The following DGKB variants were observed in gnomAD, a reference collection of about 807,000 sequenced individuals.
DGKB encodes the protein 90 kDa diacylglycerol kinase.
A neutral mutation model predicts 114.3 loss-of-function variants in DGKB; 67 were observed. The ratio of observed to expected loss-of-function variants is 0.59; its 90% CI spans 0.48 to 0.72. The LOEUF is 0.72. Ranked by LOEUF, DGKB falls within the 30% of genes least tolerant of loss-of-function variation. The pLI is 0.00. For synonymous variants in DGKB, 398 were observed against 323.1 expected (o/e 1.23, Z -2.49); for missense variants, 907 against 975.2 (o/e 0.93, Z 0.93).
At chr7:14,476,262 C>T (rs7783911) in intron 21 of DGKB, among the ~76,000 whole-genome samples, 53,007 of 151,574 alleles carry the variant, frequency 0.35, 9,879 homozygotes, top group Admixed American at 0.47. Context: ...ATATTCATTT[C>T]CAGGATATTT....
chr7:14,656,070 A>G (rs1391479302), intron 13 of DGKB, among the ~76,000 whole-genome samples: 1 of 151,668 alleles, frequency 6.6e-6, no homozygotes, highest in Non-Finnish European at 1.5e-5. Context: ...GTTTTAGGTG[A>G]TGGTTATACT....
At chr7:14,526,686 TG>T (rs1278217313) in intron 20 of DGKB, among the ~76,000 whole-genome samples, 1 of 152,120 alleles carries the variant, frequency 6.6e-6, no homozygotes, top group African/African-American at 2.4e-5. Context: ...TACAAAATCG[TG>T]GACATGATAG....
At chr7:14,844,291 A>C (rs1009582934) in intron 1 of DGKB, among the ~76,000 whole-genome samples, 15 of 152,188 alleles carry the variant, frequency 9.9e-5, no homozygotes, top group African/African-American at 3.6e-4. Context: ...TCTTGTACTA[A>C]ATAGACAACT....
intron 7 of DGKB, among the ~76,000 whole-genome samples, chr7:14,700,802 C>T (rs919295193): frequency 1.3e-5 from 2 of 152,106 alleles, no homozygotes; most frequent in Non-Finnish European, 2.9e-5. Flanking sequence ...TATATCAAAA[C>T]ATTTGTTTTT....
In DGKB at chr7:14,311,051, C is replaced by T. The variant is rs555679701; in HGVS notation, c.2122+27464G>A. Among the ~76,000 whole-genome samples, 9 of 152,094 alleles carry T rather than the reference C, an allele frequency of 5.9e-5. No individual in the cohort carries two copies. The South Asian group carries it at 1.9e-3, about 32-fold the overall frequency. ...GTTAAGGTGGGAGGATCACTTAAGC[C>T]CAGGAGGTTGAGGCTACAATGAGCC... On this transcript the variant is annotated intron_variant, in intron 23 of 25. Transcript: ENST00000402815.
At chr7:14,251,172 T>A (rs1795181916) in intron 23 of DGKB, among the ~76,000 whole-genome samples, 1 of 152,156 alleles carries the variant, frequency 6.6e-6, no homozygotes, top group Non-Finnish European at 1.5e-5. Flanking sequence ...GTTATTTTGT[T>A]GTTTTCTGAC....
At chr7:14,631,078 G>C (rs1010594058) in intron 13 of DGKB, among the ~76,000 whole-genome samples, 1 of 151,552 alleles carries the variant, frequency 6.6e-6, no homozygotes. Flanking sequence ...TGGGATGCCA[G>C]TTCTTAGATA....
intron 23 of DGKB, among the ~76,000 whole-genome samples, chr7:14,323,835 T>C (rs1458214659): frequency 6.6e-6 from 1 of 152,348 alleles, no homozygotes; most frequent in Non-Finnish European, 1.5e-5. Context: ...TTATTTCTTG[T>C]TATCTGTCCA....
At chr7:14,648,074 G>A (rs1317953980) in intron 13 of DGKB, among the ~76,000 whole-genome samples, 3 of 152,178 alleles carry the variant, frequency 2.0e-5, no homozygotes, top group East Asian at 1.9e-4. Flanking sequence ...GGGGAGGGGC[G>A]CCCACCATTG....
At chr7:14,625,402 A>C (rs979978914) in intron 14 of DGKB, among the ~76,000 whole-genome samples, 1 of 152,198 alleles carries the variant, frequency 6.6e-6, no homozygotes, top group African/African-American at 2.4e-5. Flanking sequence ...CTGTATCCTC[A>C]AAAAATTTCC....
At chr7:14,656,873 T>C (rs1815938138) in intron 13 of DGKB, among the ~76,000 whole-genome samples, 2 of 151,678 alleles carry the variant, frequency 1.3e-5, no homozygotes, top group Admixed American at 1.3e-4. Flanking sequence ...AAAACAATTG[T>C]CTACAACACT....
At chr7:14,573,227 G>A (rs1798643433) in intron 20 of DGKB, among the ~76,000 whole-genome samples, 1 of 152,096 alleles carries the variant, frequency 6.6e-6, no homozygotes, top group Admixed American at 6.5e-5. Context: ...AGTCATTACA[G>A]TATTAGTAAC....
At chr7:14,722,155 T>C (rs1451018281) in intron 5 of DGKB, among the ~76,000 whole-genome samples, 1 of 152,198 alleles carries the variant, frequency 6.6e-6, no homozygotes, top group East Asian at 1.9e-4. Flanking sequence ...GTTCTCTTTT[T>C]GTTGTATATT....
chr7:14,149,527 C>T (rs1284401202), intron 25 of DGKB, among the ~76,000 whole-genome samples: 2 of 151,968 alleles, frequency 1.3e-5, no homozygotes, highest in Non-Finnish European at 2.9e-5. Flanking sequence ...AGCAATATTC[C>T]AGAACTGCTT....
rs541104690 is a variant in DGKB at position 14,195,864 on chromosome 7, G to A, written c.2123-17713C>T. ...TACCCTGGTTGCATGTAAGTCTTAC[G>A]TGCTTAGCAAGAGATTGAAAGACTT... On this transcript the variant is annotated intron_variant, in intron 23 of 25. Transcript: ENST00000402815. 1.5e-3 allele frequency among the ~76,000 whole-genome samples: 235 copies of A among 152,214 alleles called. 2 individuals are homozygous for A. Among genetic ancestry groups the A allele is most frequent in the African/African-American group, 5.4e-3 (225 of 41,538 alleles).
chr7:14,261,559 C>G, intron 23 of DGKB, among the ~76,000 whole-genome samples: 1 of 152,090 alleles, frequency 6.6e-6, no homozygotes, highest in African/African-American at 2.4e-5. Context: ...TTGATATCCT[C>G]AATTAGGGGA....
At chr7:14,695,435 C>G (rs923688605) in intron 8 of DGKB, among the ~76,000 whole-genome samples, 3 of 150,520 alleles carry the variant, frequency 2.0e-5, no homozygotes, top group African/African-American at 7.3e-5. Context: ...TAGGGACGCT[C>G]CAGTCTTCCC....
At chr7:14,398,334 A>T (rs1822558013) in intron 21 of DGKB, among the ~76,000 whole-genome samples, 1 of 152,078 alleles carries the variant, frequency 6.6e-6, no homozygotes, top group African/African-American at 2.4e-5. Flanking sequence ...TACAAAATGA[A>T]AATTAGAAAA....
At chr7:14,279,239 G>A (rs752396574) in intron 23 of DGKB, among the ~76,000 whole-genome samples, 4 of 152,140 alleles carry the variant, frequency 2.6e-5, no homozygotes, top group Non-Finnish European at 5.9e-5. Context: ...CTACCCCCAC[G>A]GAGTCTCGCT....
Sources: gnomAD v4.1 joint callset for allele counts (sites outside exome capture counted in the v4.1 genomes callset) on GRCh38, gnomAD v4.1.1 for gene constraint, MANE v1.5 for transcripts, NCBI Gene and HGNC (gene_info 2026-07-23, HGNC 2026-07-21) for gene names.